Variants in RIMS1 observed in about 807,000 individuals in gnomAD.
RIMS1 encodes regulating synaptic membrane exocytosis protein 1.
Under a neutral mutation model 214.1 loss-of-function variants are expected in RIMS1, and 83 were observed. The ratio of observed to expected loss-of-function variants is 0.39; its 90% CI spans 0.32 to 0.47. RIMS1 has a LOEUF of 0.47. Ranked by LOEUF, RIMS1 falls within the 20% of genes least tolerant of loss-of-function variation. The pLI, the probability that RIMS1 is intolerant of heterozygous loss-of-function variation, is 0.99. For synonymous variants in RIMS1, 793 were observed against 786.8 expected (o/e 1.01, Z -0.13); for missense variants, 2,050 against 2,161.8 (o/e 0.95, Z 1.03).
At chr6:72,079,793 G>A (rs1832831075) in intron 2 of RIMS1, among the ~76,000 whole-genome samples, 1 of 151,978 alleles carries the variant, frequency 6.6e-6, no homozygotes, top group East Asian at 1.9e-4. Flanking sequence ...GCTGACATGG[G>A]AGGATTGCCT....
At chr6:72,261,404 G>A (rs1217152513) in intron 19 of RIMS1, 16 of 985,338 alleles carry the variant, frequency 1.6e-5, no homozygotes, top group Non-Finnish European at 1.9e-5. Flanking sequence ...CTTTAGAAGC[G>A]ACAAAAGATA....
intron 2 of RIMS1, among the ~76,000 whole-genome samples, chr6:72,057,509 T>C (rs1354739205): frequency 2.7e-5 from 4 of 147,354 alleles, no homozygotes; most frequent in African/African-American, 5.0e-5. Context: ...TTTTTTTTTT[T>C]TTTTTTTTCT....
chr6:72,227,256 TA>T, intron 6 of RIMS1, among the ~76,000 whole-genome samples: 1 of 152,162 alleles, frequency 6.6e-6, no homozygotes, highest in South Asian at 2.1e-4. Context: ...TCTTAGTTTG[TA>T]CGTGCTATTA....
rs1192213513 is a variant in RIMS1 at position 72,248,003 on chromosome 6, T to C, written c.2129-12T>C. The C allele has an allele frequency of 6.4e-7, 1 of 1,554,982 alleles. No individual in the cohort carries two copies. The highest frequency in any genetic ancestry group is 8.9e-7 in the Non-Finnish European group (1 of 1,127,184). ...ACTTACAAATATTACTTACTTTTTT[T>C]TCTCATTTTAGGTTCAAGTTCCTTT... On this transcript the variant is annotated splice_polypyrimidine_tract_variant and intron_variant, in intron 11 of 33. Coordinates refer to ENST00000521978, the MANE Select transcript of RIMS1 (RefSeq NM_014989.7).
chr6:72,085,067 A>G (rs953218804), intron 2 of RIMS1, among the ~76,000 whole-genome samples: 5 of 152,152 alleles, frequency 3.3e-5, no homozygotes, highest in Admixed American at 2.0e-4. Context: ...TGATTGTACT[A>G]ATTTTTTTTT....
intron 2 of RIMS1, among the ~76,000 whole-genome samples, chr6:72,077,438 G>A (rs1047826019): frequency 6.6e-6 from 1 of 152,146 alleles, no homozygotes; most frequent in Non-Finnish European, 1.5e-5. Context: ...ATTATGTGTT[G>A]AATTTATGAA....
At chr6:72,008,596 A>G (rs1490069958) in intron 2 of RIMS1, among the ~76,000 whole-genome samples, 1 of 152,222 alleles carries the variant, frequency 6.6e-6, no homozygotes, top group Non-Finnish European at 1.5e-5. Flanking sequence ...ATACAGAGAC[A>G]CATATAGGCT....
At chr6:71,890,252 G>T (rs1047921876) in intron 1 of RIMS1, among the ~76,000 whole-genome samples, 23 of 152,066 alleles carry the variant, frequency 1.5e-4, no homozygotes, top group African/African-American at 5.1e-4. Flanking sequence ...ATCATAAAAA[G>T]AATTCGTTTT....
intron 2 of RIMS1, among the ~76,000 whole-genome samples, chr6:71,996,580 C>G (rs1803502562): frequency 6.6e-6 from 1 of 152,198 alleles, no homozygotes; most frequent in Admixed American, 6.5e-5. Context: ...CTCTGCACTA[C>G]TTATAAAGAT....
At chr6:72,347,720 T>C (rs1233164531) in intron 29 of RIMS1, among the ~76,000 whole-genome samples, 1 of 151,902 alleles carries the variant, frequency 6.6e-6, no homozygotes, top group African/African-American at 2.4e-5. Context: ...TCTTTGTACC[T>C]CTCTACAGGT....
At chr6:72,061,434 T>C (rs1381377898) in intron 2 of RIMS1, among the ~76,000 whole-genome samples, 1 of 152,248 alleles carries the variant, frequency 6.6e-6, no homozygotes, top group Non-Finnish European at 1.5e-5. Context: ...AAGCATGTGC[T>C]TACATTTAGA....
rs192578809 is a variant in RIMS1 at position 72,220,749 on chromosome 6, T to G, written c.1679-13024T>G. On this transcript the variant is annotated intron_variant, in intron 6 of 33. Transcript: ENST00000521978. ...CATAAGCAAAAACATTAGGAATGAC[T>G]GCAAATTCATTGAGCTTGTTTCTGT... 4.8e-4 allele frequency among the ~76,000 whole-genome samples: 73 copies of G among 152,226 alleles called. 1 individual carries two copies. The highest frequency in any genetic ancestry group is 4.2e-3 in the Admixed American group (64 of 15,292).
intron 2 of RIMS1, among the ~76,000 whole-genome samples, chr6:71,985,801 C>T (rs533320046): frequency 6.6e-6 from 1 of 152,206 alleles, no homozygotes; most frequent in South Asian, 2.1e-4. Flanking sequence ...GCCTGGAGTG[C>T]CCCTCGCTAT....
At chr6:72,389,549 G>A (rs2098668717) in intron 29 of RIMS1, among the ~76,000 whole-genome samples, 2 of 152,154 alleles carry the variant, frequency 1.3e-5, no homozygotes, top group Non-Finnish European at 1.5e-5. Context: ...TTATCTAAGA[G>A]TGTATTTAGG....
At chr6:72,054,946 A>G (rs965849980) in intron 2 of RIMS1, among the ~76,000 whole-genome samples, 1 of 152,100 alleles carries the variant, frequency 6.6e-6, no homozygotes, top group African/African-American at 2.4e-5. Flanking sequence ...CCATTTGCCA[A>G]CTTTGGCTTT....
intron 2 of RIMS1, among the ~76,000 whole-genome samples, chr6:72,088,895 G>A (rs993144398): frequency 6.6e-6 from 1 of 151,646 alleles, no homozygotes; most frequent in African/African-American, 2.4e-5. Flanking sequence ...GAAAAAGAAA[G>A]GGAGGGAGAG....
chr6:71,983,255 C>A (rs548507138), intron 2 of RIMS1, among the ~76,000 whole-genome samples: 9 of 151,498 alleles, frequency 5.9e-5, no homozygotes, highest in Non-Finnish European at 8.8e-5. Flanking sequence ...TATTATTTTC[C>A]TAATTGTTGT....
intron 6 of RIMS1, chr6:72,217,038 G>T: frequency 6.9e-7 from 1 of 1,442,018 alleles, no homozygotes. Context: ...TTTTGGCTTT[G>T]ATTTAGAATG....
intron 6 of RIMS1, among the ~76,000 whole-genome samples, chr6:72,227,872 A>G (rs2060690123): frequency 6.6e-6 from 1 of 152,038 alleles, no homozygotes; most frequent in African/African-American, 2.4e-5. Flanking sequence ...TCAAAGTTAC[A>G]TATCAGAGAG....
Sources: gnomAD v4.1 joint callset for allele counts (sites outside exome capture counted in the v4.1 genomes callset) on GRCh38, gnomAD v4.1.1 for gene constraint, MANE v1.5 for transcripts, NCBI Gene and HGNC (gene_info 2026-07-23, HGNC 2026-07-21) for gene names.